Variants in UGT1A5 observed in about 807,000 individuals in gnomAD.
UGT1A5 encodes the protein UDP glucuronosyltransferase family 1 member A5, also known as UDP-glucuronosyltransferase 1A5.
Under a neutral mutation model 40.3 loss-of-function variants are expected in UGT1A5, and 29 were observed. The observed-to-expected ratio is 0.72, with a 90% CI of 0.54 to 0.98. The LOEUF (loss-of-function observed/expected upper bound fraction) is 0.98, where lower values mean the gene tolerates loss of function less well. UGT1A5 is among the 50% of genes least tolerant of loss of function. UGT1A5 has a pLI of 0.00. For synonymous variants in UGT1A5, 257 were observed against 262.5 expected, an observed-to-expected ratio of 0.98 and a Z score of 0.20; for missense variants, 678 against 677.9, an observed-to-expected ratio of 1.00 and a Z score of 0.00.
intron 1 of UGT1A5, among the ~76,000 whole-genome samples, chr2:233,717,477 G>T (rs551633792): frequency 6.6e-6 from 1 of 152,346 alleles, no homozygotes; most frequent in East Asian, 1.9e-4. Context: ...TGTGTCCAAA[G>T]GTGGAATCTG....
intron 1 of UGT1A5, among the ~76,000 whole-genome samples, chr2:233,717,127 G>T (rs182084738): frequency 7.2e-5 from 11 of 152,266 alleles, no homozygotes; most frequent in Non-Finnish European, 1.6e-4. Context: ...CATGGAAATA[G>T]AACACCACTA....
intron 1 of UGT1A5, among the ~76,000 whole-genome samples, chr2:233,740,264 G>A (rs540642726): frequency 1.3e-5 from 2 of 151,992 alleles, no homozygotes; most frequent in Admixed American, 6.5e-5. Flanking sequence ...GATTGGTGGT[G>A]ATTGAAGTTA....
rs1691455910 is a variant in UGT1A5, at chr2:233,740,707, G to A, written c.868-26327G>A. Reference sequence around the variant, plus strand: ...GGTGTTCATTTTAGGGATTTCAAGAGGGTCATCTTTGCACCACAGGAAATG... The same window carrying A: ...GGTGTTCATTTTAGGGATTTCAAGAAGGTCATCTTTGCACCACAGGAAATG... On this transcript the variant is annotated intron_variant, in intron 1 of 4. Coordinates refer to ENST00000373414, the MANE Select transcript of UGT1A5 (RefSeq NM_019078.2). 1.3e-5 allele frequency: 2 copies of A among 151,744 alleles called. 1 individual carries two copies. Among genetic ancestry groups the A allele is most frequent in the African/African-American group, 4.9e-5 (2 of 41,032 alleles). 9.4% of individuals were successfully genotyped at this position (151,744 alleles called of 1,614,324 possible).
At chr2:233,735,606 C>T (rs567993931) in intron 1 of UGT1A5, among the ~76,000 whole-genome samples, 14 of 152,270 alleles carry the variant, frequency 9.2e-5, no homozygotes, top group African/African-American at 2.6e-4. Context: ...TTCACAGCAT[C>T]GATAGTCTTT....
At position 233,713,467 on chromosome 2, in the gene UGT1A5, C is replaced by T. The variant is rs754257180; in HGVS notation, c.476C>T (p.Ala159Val). The T allele has an allele frequency of 3.3e-5, 53 of 1,613,938 alleles. 1 individual carries two copies. Among genetic ancestry groups the T allele is most frequent in the South Asian group, 3.1e-4 (28 of 91,084 alleles). ...ACAGACCCCTTTCACCTCTGCGCGG[C>T]GGTGCTGGCTAAGTACCTGTCGATT... ...VLTDPFHLCA[A>V]VLAKYLSIPA... Residue 159 changes from alanine to valine, a missense_variant, in exon 1 of 5, where the codon GCG becomes GTG. Physicochemically the swap from Ala to Val is moderately conservative, Grantham distance 64 (BLOSUM62 0). Coordinates refer to ENST00000373414, the MANE Select transcript of UGT1A5 (RefSeq NM_019078.2).
intron 1 of UGT1A5, chr2:233,718,072 AG>A (rs1223912605): frequency 5.8e-6 from 2 of 346,088 alleles, no homozygotes; most frequent in East Asian, 1.5e-4. Context: ...GGTCCTTGCT[AG>A]GGTTGTCTTG....
At chr2:233,725,435 A>G (rs1455918541) in intron 1 of UGT1A5, among the ~76,000 whole-genome samples, 2 of 151,954 alleles carry the variant, frequency 1.3e-5, no homozygotes, top group Non-Finnish European at 2.9e-5. Context: ...AATATAATGT[A>G]AGCCACATAC....
intron 1 of UGT1A5, among the ~76,000 whole-genome samples, chr2:233,717,036 C>A (rs1178363504): frequency 1.3e-5 from 2 of 152,172 alleles, no homozygotes; most frequent in Non-Finnish European, 2.9e-5. Flanking sequence ...TTCCAAGATA[C>A]ATGGGCCTCC....
intron 1 of UGT1A5, among the ~76,000 whole-genome samples, chr2:233,751,506 C>A (rs1237689489): frequency 1.3e-5 from 2 of 152,104 alleles, no homozygotes; most frequent in Non-Finnish European, 2.9e-5. Context: ...TTGGGAGGGG[C>A]CAGAGGGCAG....
At chr2:233,725,829 C>A (rs1473271913) in intron 1 of UGT1A5, among the ~76,000 whole-genome samples, 1 of 152,074 alleles carries the variant, frequency 6.6e-6, no homozygotes, top group African/African-American at 2.4e-5. Flanking sequence ...ACCAGTATTG[C>A]TACTCCTATG....
At chr2:233,772,063 T>A (rs1007747764) in intron 4 of UGT1A5, among the ~76,000 whole-genome samples, 199 bp from the exon 5 acceptor site, 9 of 152,136 alleles carry the variant, frequency 5.9e-5, no homozygotes, top group Non-Finnish European at 1.2e-4. Context: ...CAGTTAGCCA[T>A]GCTTGTGCCA....
intron 1 of UGT1A5, among the ~76,000 whole-genome samples, chr2:233,735,339 T>TG (rs1286077352): frequency 6.6e-6 from 1 of 151,862 alleles, no homozygotes; most frequent in African/African-American, 2.4e-5. Flanking sequence ...AACCCCTGCT[T>TG]TTTTTTTGCT....
At chr2:233,750,498 C>T (rs1361187436) in intron 1 of UGT1A5, 1 of 151,938 alleles carries the variant, frequency 6.6e-6, no homozygotes, top group Non-Finnish European at 1.5e-5. Flanking sequence ...TAAGGAGGAG[C>T]CAAATGTTAA....
intron 1 of UGT1A5, among the ~76,000 whole-genome samples, chr2:233,731,515 A>G (rs1195217483): frequency 5.9e-5 from 9 of 152,018 alleles, no homozygotes; most frequent in Non-Finnish European, 2.9e-5. Flanking sequence ...GTTCCCACCT[A>G]TGAGTGAGAA....
intron 1 of UGT1A5, among the ~76,000 whole-genome samples, chr2:233,725,696 T>C (rs1461246019): frequency 6.6e-6 from 1 of 152,258 alleles, no homozygotes; most frequent in Non-Finnish European, 1.5e-5. Context: ...AATAGTCATA[T>C]GTAGTTAGTG....
chr2:233,720,704 CTTTT>C (rs796417980), intron 1 of UGT1A5, among the ~76,000 whole-genome samples: 1 of 139,182 alleles, frequency 7.2e-6, no homozygotes. Context: ...GGGAGCCATC[CTTTT>C]TTTTTTTTTT....
intron 1 of UGT1A5, chr2:233,761,173 T>G (rs771182197): frequency 9.9e-6 from 16 of 1,614,128 alleles, no homozygotes; most frequent in Middle Eastern, 3.3e-4. Context: ...AGTGGGACTT[T>G]TACATGCGTA....
intron 1 of UGT1A5, among the ~76,000 whole-genome samples, chr2:233,764,017 G>T (rs3771342): frequency 0.13 from 19,852 of 152,188 alleles, 1,421 homozygotes; most frequent in East Asian, 0.2. Flanking sequence ...GACCCACATG[G>T]TGTCTAAGTG....
intron 1 of UGT1A5, chr2:233,755,317 G>T: frequency 3.8e-6 from 2 of 525,706 alleles, no homozygotes; most frequent in Non-Finnish European, 6.2e-6. Flanking sequence ...CGAGCGGCAA[G>T]GCTGCCAGCA....
Sources: gnomAD v4.1 joint callset for allele counts (sites outside exome capture counted in the v4.1 genomes callset) on GRCh38, gnomAD v4.1.1 for gene constraint, MANE v1.5 for transcripts, NCBI Gene and HGNC (gene_info 2026-07-23, HGNC 2026-07-21) for gene names.